Variants in KARS1 observed in about 807,000 individuals in gnomAD.
The protein encoded by KARS1 is lysine--tRNA ligase.
Under a neutral mutation model 63.9 loss-of-function variants are expected in KARS1, and 50 were observed. That is an observed-to-expected ratio of 0.78 (90% CI 0.62 to 0.99). The LOEUF is 0.99. Ranked by LOEUF, KARS1 falls within the 50% of genes least tolerant of loss-of-function variation. KARS1 has a pLI of 0.00. For missense variants in KARS1, 816 were observed against 754.5 expected (o/e 1.08, Z -0.95); for synonymous variants, 320 against 264.6 (o/e 1.21, Z -2.03).
chr16:75,647,422 T>C, intron 1 of KARS1, 156 bp downstream of exon 1: 2 of 749,058 alleles, frequency 2.7e-6, no homozygotes, highest in South Asian at 1.5e-5. Context: ...CCGGGGTACG[T>C]GGTCTGCAGG....
rs372074839 is a variant in KARS1 at position 75,647,654 on chromosome 16, C to G, written c.-15G>C. On this transcript the variant is annotated 5_prime_UTR_variant, in exon 1 of 14. Coordinates refer to ENST00000302445, the MANE Select transcript of KARS1 (RefSeq NM_005548.3). ...ACGGCCGCCATCTTCCCGGAGGGCCCGACCCAAAAGTAAGGAGGATAGTAC... is the reference window on the plus strand; with the variant it reads ...ACGGCCGCCATCTTCCCGGAGGGCCGGACCCAAAAGTAAGGAGGATAGTAC... 118 of 1,613,396 alleles carry G rather than the reference C, an allele frequency of 7.3e-5. No homozygotes were observed. The highest frequency in any genetic ancestry group is 9.2e-5 in the Non-Finnish European group (108 of 1,179,614).
chr16:75,630,052 G>A (rs78798046), intron 11 of KARS1, among the ~76,000 whole-genome samples: 4,905 of 152,062 alleles, frequency 0.032, 120 homozygotes, highest in African/African-American at 0.067. Context: ...TGGACTCTGC[G>A]CTGGCAACAT....
At position 75,635,719 on chromosome 16, in the gene KARS1, T is replaced by C. The variant is rs567521767; in HGVS notation, c.756A>G (p.Thr252=). The C allele has an allele frequency of 6.2e-7, 1 of 1,614,100 alleles. No individual in the cohort carries two copies. The highest frequency in any genetic ancestry group is 8.5e-7 in the Non-Finnish European group (1 of 1,179,926). The stretch of plus-strand genomic sequence containing the variant: ...GCTCATCTAAGAAACTTCTTATATA[T>C]GTGATGATCTTAGAGCGGATGATAA... The part of the protein sequence containing the change: ...QKFIIRSKII[T]YIRSFLDELG... The change falls in exon 6 of 14, where the codon ACA becomes ACG. Residue 252 remains threonine (T), a synonymous_variant. Coordinates refer to ENST00000302445, the MANE Select transcript of KARS1 (RefSeq NM_005548.3).
In KARS1 at chr16:75,634,042, C is replaced by T. The variant is rs2082137274; in HGVS notation, c.915+131G>A. The T allele has an allele frequency of 2.8e-5, 26 of 945,092 alleles. No homozygotes were observed. In the South Asian group the frequency reaches 3.4e-4, roughly 12 times the overall value. The allele number at this position is 945,092 out of a possible 1,614,324, so 58.5% of individuals were successfully genotyped here. Reference sequence around the variant, plus strand: ...GGAAGTGTTACTCACATCCACACACCTGACCCATCAGAACACTTTCTTGGC... The same window carrying T: ...GGAAGTGTTACTCACATCCACACACTTGACCCATCAGAACACTTTCTTGGC... On this transcript the variant is annotated intron_variant, in intron 7 of 13. Transcript: ENST00000302445.
At chr16:75,641,805 A>T (rs2082228229) in intron 1 of KARS1, 82 bp from the exon 2 acceptor site, 1 of 1,443,810 alleles carries the variant, frequency 6.9e-7, no homozygotes, top group African/African-American at 1.4e-5. Flanking sequence ...TATCAAAAAC[A>T]TGAATCGCCC....
At position 75,647,606 on chromosome 16, in the gene KARS1, C is replaced by G. The variant is rs753553747; in HGVS notation, c.34G>C (p.Asp12His). ...TTGCTCAGTTTCGGCTCGCTGCCATCCACTTTCACCTCGGCCGCCTGCACG... is the reference window on the plus strand; with the variant it reads ...TTGCTCAGTTTCGGCTCGCTGCCATGCACTTTCACCTCGGCCGCCTGCACG... ...AAVQAAEVKV[D>H]GSEPKLSKNE... The change falls in exon 1 of 14, where the codon GAT (aspartate) becomes CAT (histidine). Residue 12 changes from aspartate (D) to histidine (H), a missense_variant. Coordinates refer to ENST00000302445, the MANE Select transcript of KARS1 (RefSeq NM_005548.3). 6.2e-7 allele frequency: 1 copy of G among 1,613,494 alleles called. No homozygotes were observed. Among genetic ancestry groups the G allele is most frequent in the South Asian group, 1.1e-5 (1 of 91,046 alleles).
intron 3 of KARS1, among the ~76,000 whole-genome samples, chr16:75,638,852 A>C (rs2082192601): frequency 6.6e-6 from 1 of 152,222 alleles, no homozygotes; most frequent in Non-Finnish European, 1.5e-5. Context: ...AGCAAGAAAC[A>C]GAATAAAAAC....
In KARS1 at chr16:75,627,759, T is replaced by C; in HGVS notation, c.*136A>G. The C allele has an allele frequency of 1.4e-6, 1 of 704,322 alleles. No homozygotes were observed. Among genetic ancestry groups the C allele is most frequent in the Non-Finnish European group, 2.6e-6 (1 of 382,102 alleles). 43.6% of individuals were successfully genotyped at this position (704,322 alleles called of 1,614,324 possible). A position where few individuals can be genotyped will look rare whatever the true frequency, so the allele number is the denominator to read the frequency against. ...ACAGGATTAAAAAGAAATTTTTAAT[T>C]CCTTGTCTCTCTTCTGATGGCTGAA... On this transcript the variant is annotated 3_prime_UTR_variant, in exon 14 of 14. Transcript: ENST00000302445.
intron 6 of KARS1, 102 bp downstream of exon 6, chr16:75,635,578 A>T: frequency 7.8e-7 from 1 of 1,288,678 alleles, no homozygotes; most frequent in African/African-American, 1.5e-5. Flanking sequence ...TTAGGCATGA[A>T]GGATCCTGAC....
intron 1 of KARS1, among the ~76,000 whole-genome samples, chr16:75,645,843 CAAAAAAAAA>C (rs11363202): frequency 1.2e-4 from 10 of 82,052 alleles, no homozygotes; most frequent in Admixed American, 9.1e-4. Context: ...ACTCTGCCTC[CAAAAAAAAA>C]AAAAAAAAAA....
chr16:75,630,550 T>A, intron 10 of KARS1, 42 bp from the exon 11 acceptor site: 1 of 1,273,024 alleles, frequency 7.9e-7, no homozygotes, highest in Non-Finnish European at 1.1e-6. Flanking sequence ...CATTTCTGAA[T>A]AGTATTTGAT....
intron 6 of KARS1, among the ~76,000 whole-genome samples, chr16:75,634,683 C>T (rs1294991449): frequency 6.6e-6 from 1 of 152,198 alleles, no homozygotes; most frequent in African/African-American, 2.4e-5. Flanking sequence ...TCACACCATT[C>T]TCCTGACTCA....
chr16:75,636,304 A>T, intron 4 of KARS1, 150 bp downstream of exon 4: 1 of 760,232 alleles, frequency 1.3e-6, no homozygotes, highest in Non-Finnish European at 2.4e-6. Flanking sequence ...ACAGGTGACC[A>T]GGTGGCCACA....
Position 75,636,108 on chromosome 16 carries a change from A to G in KARS1, c.483-10T>C. 2 of 1,485,972 alleles carry G rather than the reference A, an allele frequency of 1.3e-6. No individual in the cohort carries two copies. The highest frequency in any genetic ancestry group is 9.4e-7 in the Non-Finnish European group (1 of 1,066,132). 92.0% of individuals were successfully genotyped at this position (1,485,972 alleles called of 1,614,324 possible). A position where few individuals can be genotyped will look rare whatever the true frequency, so the allele number is the denominator to read the frequency against. ...TTCTGATTTATAATTTCTGAGTGAA[A>G]AAGAAATGTAATTCAGTAACAACAA... On this transcript the variant is annotated splice_polypyrimidine_tract_variant and intron_variant, in intron 4 of 13. Transcript: ENST00000302445.
chr16:75,642,185 CTTTTTT>C (rs148991591), intron 1 of KARS1, among the ~76,000 whole-genome samples: 1 of 63,170 alleles, frequency 1.6e-5, no homozygotes, highest in African/African-American at 4.0e-5. Flanking sequence ...AGTGCCAGGT[CTTTTTT>C]TTTTTTTTTT....
intron 7 of KARS1, among the ~76,000 whole-genome samples, chr16:75,632,767 C>G (rs2082126460): frequency 6.6e-6 from 1 of 152,110 alleles, no homozygotes; most frequent in South Asian, 2.1e-4. Context: ...TGAGCTTCCT[C>G]TATGTTGGGA....
At chr16:75,634,974 T>G (rs1416429445) in intron 6 of KARS1, among the ~76,000 whole-genome samples, 2 of 152,256 alleles carry the variant, frequency 1.3e-5, no homozygotes, top group African/African-American at 4.8e-5. Context: ...ATTGTTTGAC[T>G]TATTCTACTT....
At chr16:75,639,987 C>T (rs1411097394) in intron 3 of KARS1, 197 bp downstream of exon 3, 4 of 604,604 alleles carry the variant, frequency 6.6e-6, no homozygotes, top group African/African-American at 5.6e-5. Flanking sequence ...TGTAGCACTA[C>T]CTCATCTGGA....
chr16:75,646,751 A>G (rs1325333450), intron 1 of KARS1, among the ~76,000 whole-genome samples: 1 of 151,168 alleles, frequency 6.6e-6, no homozygotes, highest in Admixed American at 6.6e-5. Context: ...GGTTAAAGCG[A>G]TTCTCCTGCC....
Sources: allele counts gnomAD v4.1 joint callset (sites outside exome capture counted in the v4.1 genomes callset), GRCh38; gene constraint gnomAD v4.1.1; transcripts MANE v1.5; gene names NCBI Gene and HGNC (gene_info 2026-07-23, HGNC 2026-07-21).